The following NOX3 variants were observed in gnomAD, a reference collection of about 807,000 sequenced individuals.
NOX3 encodes the protein NADPH oxidase 3.
In NOX3, 74 loss-of-function variants were observed where a neutral mutation model predicts 76.7. The observed-to-expected ratio is 0.96, with a 90% CI of 0.80 to 1.17. The LOEUF is 1.17. NOX3 is among the 50% of genes most tolerant of loss of function. The pLI is 0.00. For missense variants in NOX3, 695 were observed against 703.3 expected (o/e 0.99, Z 0.13); for synonymous variants, 263 against 261.1 (o/e 1.01, Z -0.07).
chr6:155,444,461 T>C (rs1224446174), intron 4 of NOX3, among the ~76,000 whole-genome samples: 1 of 152,164 alleles, frequency 6.6e-6, no homozygotes, highest in African/African-American at 2.4e-5. Context: ...GGAAAAGTAG[T>C]GATGCTGGCA....
chr6:155,427,510 T>C (rs933387780), intron 9 of NOX3, among the ~76,000 whole-genome samples: 3 of 152,208 alleles, frequency 2.0e-5, no homozygotes, highest in African/African-American at 7.2e-5. Flanking sequence ...CAGACACTGT[T>C]GTAGGCACTG....
intron 11 of NOX3, among the ~76,000 whole-genome samples, chr6:155,409,403 G>C (rs189702155): frequency 6.6e-5 from 10 of 152,244 alleles, no homozygotes; most frequent in African/African-American, 2.4e-4. Flanking sequence ...GGGTCTTAAG[G>C]TCCTTGCTGA....
In NOX3 at chr6:155,396,903, A is replaced by G. The variant is rs201592146; in HGVS notation, c.1640T>C (p.Met547Thr). 59 of 1,613,406 alleles carry G rather than the reference A, an allele frequency of 3.7e-5. No homozygotes were observed. The highest frequency in any genetic ancestry group is 4.9e-5 in the Non-Finnish European group (58 of 1,179,550). The stretch of plus-strand genomic sequence containing the variant: ...GTCAGCTGATGAATACAAGTGGCAC[A>G]TCTTTTGAAGTGTCCTCGAGAGAGC... ...PKALSRTLQK[M>T]CHLYSSADPR... The change falls in exon 13 of 14, where the codon ATG (methionine) becomes ACG (threonine). Residue 547 changes from methionine (M) to threonine (T), a missense_variant. Met to Thr is a moderately conservative substitution (Grantham distance 81). Coordinates refer to ENST00000159060, the MANE Select transcript of NOX3 (RefSeq NM_015718.3).
At chr6:155,453,601 CTATGTGA>C in intron 3 of NOX3, 113 bp from the exon 4 acceptor site, 1 of 787,792 alleles carries the variant, frequency 1.3e-6, no homozygotes, top group Non-Finnish European at 2.2e-6. Context: ...TAAAGTGGGG[CTATGTGA>C]CACAAAAGTT....
intron 4 of NOX3, among the ~76,000 whole-genome samples, chr6:155,451,874 T>C (rs763027100): frequency 1.3e-5 from 2 of 151,956 alleles, no homozygotes; most frequent in African/African-American, 2.4e-5. Context: ...GCAATTCACC[T>C]GCCTCAGCCT....
At chr6:155,449,837 T>C (rs1314188110) in intron 4 of NOX3, among the ~76,000 whole-genome samples, 1 of 152,216 alleles carries the variant, frequency 6.6e-6, no homozygotes, top group Non-Finnish European at 1.5e-5. Context: ...TAATGGGCGA[T>C]GCTAATAAAA....
chr6:155,423,567 A>C (rs745767412), intron 9 of NOX3, among the ~76,000 whole-genome samples: 3 of 152,162 alleles, frequency 2.0e-5, no homozygotes, highest in Non-Finnish European at 4.4e-5. Context: ...GGTCCTATGC[A>C]GACTGGTCCC....
At chr6:155,453,544 T>A in intron 3 of NOX3, 56 bp from the exon 4 acceptor site, 1 of 1,331,886 alleles carries the variant, frequency 7.5e-7, no homozygotes, top group Non-Finnish European at 1.1e-6. Flanking sequence ...GAAAACAATC[T>A]CATGAAAGTT....
At chr6:155,419,932 C>G (rs1007595053) in intron 10 of NOX3, among the ~76,000 whole-genome samples, 12 of 151,726 alleles carry the variant, frequency 7.9e-5, no homozygotes, top group African/African-American at 2.9e-4. Context: ...TGTACAGAAG[C>G]CATTGTTTAT....
At chr6:155,455,559 G>A (rs1284307705) in intron 1 of NOX3, among the ~76,000 whole-genome samples, 194 bp downstream of exon 1, 1 of 152,130 alleles carries the variant, frequency 6.6e-6, no homozygotes. Context: ...TTAAAAATGA[G>A]CTCAATCGGA....
chr6:155,437,163 A>G (rs1209626601), intron 6 of NOX3, among the ~76,000 whole-genome samples: 1 of 152,214 alleles, frequency 6.6e-6, no homozygotes, highest in Non-Finnish European at 1.5e-5. Context: ...CACTGGACGA[A>G]GAGTCCTATA....
intron 7 of NOX3, among the ~76,000 whole-genome samples, chr6:155,435,617 T>C (rs1305823042): frequency 1.3e-5 from 2 of 152,222 alleles, no homozygotes; most frequent in Non-Finnish European, 2.9e-5. Context: ...TTATACCCTG[T>C]TATTCCATGT....
At chr6:155,450,692 G>A (rs779218194) in intron 4 of NOX3, among the ~76,000 whole-genome samples, 35 of 152,184 alleles carry the variant, frequency 2.3e-4, no homozygotes, top group Non-Finnish European at 4.6e-4. Context: ...GCACCATGAG[G>A]AGGACAGAGC....
intron 4 of NOX3, among the ~76,000 whole-genome samples, chr6:155,445,963 ATATATAATATATATATGC>A (rs1432808770): frequency 8.9e-4 from 92 of 103,530 alleles, no homozygotes; most frequent in African/African-American, 1.1e-3. Context: ...TATGCTATAT[ATATATAATATATATATGC>A]TATATATATA....
chr6:155,417,804 T>C (rs1383838882), intron 10 of NOX3, among the ~76,000 whole-genome samples: 1 of 152,192 alleles, frequency 6.6e-6, no homozygotes, highest in African/African-American at 2.4e-5. Flanking sequence ...TTTTTTGTCT[T>C]TTTTGGCCTC....
At chr6:155,404,194 A>T (rs569104269) in intron 12 of NOX3, among the ~76,000 whole-genome samples, 4 of 152,064 alleles carry the variant, frequency 2.6e-5, no homozygotes, top group South Asian at 2.1e-4. Flanking sequence ...TAAGCTTTTA[A>T]TATTTTGTTA....
At chr6:155,422,000 C>A (rs1297552942) in intron 10 of NOX3, among the ~76,000 whole-genome samples, 3 of 152,162 alleles carry the variant, frequency 2.0e-5, no homozygotes, top group Non-Finnish European at 2.9e-5. Context: ...AAGGGTTAAG[C>A]AGAGAAGATA....
chr6:155,431,492 ATTTAAG>A (rs1776833437), intron 7 of NOX3, among the ~76,000 whole-genome samples: 2 of 151,630 alleles, frequency 1.3e-5, no homozygotes, highest in South Asian at 4.2e-4. Context: ...GGCACCTTAA[ATTTAAG>A]TTTATCTAAT....
At chr6:155,404,487 C>G (rs1431898483) in intron 12 of NOX3, among the ~76,000 whole-genome samples, 1 of 152,158 alleles carries the variant, frequency 6.6e-6, no homozygotes. Flanking sequence ...AAGGAGGTGT[C>G]AGGAAGTGAC....
Sources: allele counts gnomAD v4.1 joint callset (sites outside exome capture counted in the v4.1 genomes callset), GRCh38; gene constraint gnomAD v4.1.1; transcripts MANE v1.5; gene names NCBI Gene and HGNC (gene_info 2026-07-23, HGNC 2026-07-21).